Variants in SNX18 observed in about 807,000 individuals in gnomAD.
The protein encoded by SNX18 is sorting nexin 18, also known as sorting nexin-18.
A neutral mutation model predicts 48.7 loss-of-function variants in SNX18; 35 were observed. That is an observed-to-expected ratio of 0.72 (90% CI 0.55 to 0.95). The LOEUF is 0.95. Among genes scored for constraint, SNX18 ranks in the 40% least tolerant of loss-of-function variants. The pLI is 0.00. For missense variants in SNX18, 824 were observed against 871.0 expected (o/e 0.95, Z 0.68); for synonymous variants, 492 against 384.7 (o/e 1.28, Z -3.26).
At chr5:54,539,944 T>A (rs1014989511) in intron 1 of SNX18, among the ~76,000 whole-genome samples, 7 of 152,012 alleles carry the variant, frequency 4.6e-5, no homozygotes, top group African/African-American at 1.5e-4. Context: ...CGATTTCGGC[T>A]CACTGCAACC....
At chr5:54,525,238 G>A (rs1370602226) in intron 1 of SNX18, among the ~76,000 whole-genome samples, 4 of 152,110 alleles carry the variant, frequency 2.6e-5, no homozygotes, top group African/African-American at 9.7e-5. Flanking sequence ...AAATAGATGG[G>A]TGAATTTAAA....
chr5:54,629,098 T>C, the SNX18 span, among the ~76,000 whole-genome samples: 1 of 152,248 alleles, frequency 6.6e-6, no homozygotes, highest in Non-Finnish European at 1.5e-5. Flanking sequence ...GCCAGAATGC[T>C]GTTTCATTCT....
the SNX18 span, among the ~76,000 whole-genome samples, chr5:54,570,423 G>A: frequency 2.0e-5 from 3 of 152,196 alleles, no homozygotes; most frequent in Non-Finnish European, 4.4e-5. Flanking sequence ...GCAGCCCCAG[G>A]AGGCAAACAC....
chr5:54,593,667 G>T, the SNX18 span, among the ~76,000 whole-genome samples: 4 of 152,192 alleles, frequency 2.6e-5, no homozygotes, highest in Non-Finnish European at 4.4e-5. Flanking sequence ...GTAATCCACA[G>T]AGTGTGGTGT....
chr5:54,570,924 CT>C, the SNX18 span, among the ~76,000 whole-genome samples: 1 of 152,144 alleles, frequency 6.6e-6, no homozygotes, highest in South Asian at 2.1e-4. Context: ...ATCCATTGTT[CT>C]TTACAGATGT....
the SNX18 span, among the ~76,000 whole-genome samples, chr5:54,599,860 T>C: frequency 6.6e-6 from 1 of 152,130 alleles, no homozygotes; most frequent in Non-Finnish European, 1.5e-5. Flanking sequence ...GACTTAAATG[T>C]CAAACGCAAA....
the SNX18 span, among the ~76,000 whole-genome samples, chr5:54,619,271 G>A: frequency 1.1e-4 from 16 of 152,138 alleles, no homozygotes; most frequent in African/African-American, 3.9e-4. Context: ...AGCACTTTGG[G>A]AAGCTGAGGT....
the SNX18 span, among the ~76,000 whole-genome samples, chr5:54,623,412 C>T: frequency 7.2e-5 from 11 of 152,066 alleles, no homozygotes; most frequent in Non-Finnish European, 1.5e-4. Context: ...CAGTGTAGCC[C>T]AGCATTGCAG....
the SNX18 span, among the ~76,000 whole-genome samples, chr5:54,560,690 T>G: frequency 6.6e-6 from 1 of 152,162 alleles, no homozygotes; most frequent in South Asian, 2.1e-4. Context: ...CTAAATCACT[T>G]TGTGTGGCAC....
the SNX18 span, among the ~76,000 whole-genome samples, chr5:54,633,240 A>G: frequency 1.2e-4 from 18 of 152,144 alleles, no homozygotes; most frequent in Non-Finnish European, 2.4e-4. Context: ...GATCAGTGAA[A>G]TCGTATCTCA....
downstream of SNX18, among the ~76,000 whole-genome samples, chr5:54,550,557 C>T (rs751259984): frequency 2.4e-4 from 36 of 152,076 alleles, no homozygotes; most frequent in African/African-American, 3.4e-4. Context: ...CAAAACAAAG[C>T]GAATGTGTTT....
At chr5:54,559,025 G>A in the SNX18 span, among the ~76,000 whole-genome samples, 1 of 151,790 alleles carries the variant, frequency 6.6e-6, no homozygotes, top group African/African-American at 2.4e-5. Context: ...CTAGGGAGGT[G>A]AAAGAGCTCT....
At chr5:54,526,642 A>G (rs539501337) in intron 1 of SNX18, among the ~76,000 whole-genome samples, 1 of 152,312 alleles carries the variant, frequency 6.6e-6, no homozygotes, top group Admixed American at 6.5e-5. Flanking sequence ...ACAAATACGT[A>G]TGTACCCATC....
At chr5:54,597,291 G>T in the SNX18 span, among the ~76,000 whole-genome samples, 8 of 152,236 alleles carry the variant, frequency 5.3e-5, no homozygotes, top group Non-Finnish European at 1.2e-4. Flanking sequence ...ATAATAGTGG[G>T]AGACTTTAAC....
At chr5:54,542,863 G>A (rs1762497399) in intron 1 of SNX18, among the ~76,000 whole-genome samples, 1 of 152,108 alleles carries the variant, frequency 6.6e-6, no homozygotes, top group Non-Finnish European at 1.5e-5. Context: ...TCTTTTTAAG[G>A]ACATTTCCTT....
At chr5:54,595,671 A>T in the SNX18 span, among the ~76,000 whole-genome samples, 1 of 152,206 alleles carries the variant, frequency 6.6e-6, no homozygotes, top group African/African-American at 2.4e-5. Flanking sequence ...CTTTTTAATA[A>T]TAACCATTCC....
At chr5:54,588,306 C>CTTTTTTTTTTTTTTTT in the SNX18 span, among the ~76,000 whole-genome samples, 34 of 73,912 alleles carry the variant, frequency 4.6e-4, 2 homozygotes, top group Non-Finnish European at 6.7e-4. Flanking sequence ...TATTTCTATT[C>CTTTTTTTTTTTTTTTT]TTTTTTTTTT....
At chr5:54,534,604 G>C (rs890493947) in intron 1 of SNX18, among the ~76,000 whole-genome samples, 25 of 151,694 alleles carry the variant, frequency 1.6e-4, no homozygotes, top group African/African-American at 5.6e-4. Context: ...CACTTTGATG[G>C]GTCAGAAGTT....
At chr5:54,569,340 C>T in the SNX18 span, among the ~76,000 whole-genome samples, 3 of 152,156 alleles carry the variant, frequency 2.0e-5, no homozygotes, top group Non-Finnish European at 4.4e-5. Context: ...AAGTTGAGTG[C>T]ACTATTCATG....
Sources: allele counts gnomAD v4.1 joint callset (sites outside exome capture counted in the v4.1 genomes callset), GRCh38; gene constraint gnomAD v4.1.1; transcripts MANE v1.5; gene names NCBI Gene and HGNC (gene_info 2026-07-23, HGNC 2026-07-21).